Variants in USP31 observed in about 807,000 individuals in gnomAD.
USP31 encodes the protein ubiquitin specific peptidase 31, also known as ubiquitin carboxyl-terminal hydrolase 31.
A neutral mutation model predicts 119.4 loss-of-function variants in USP31; 44 were observed. The ratio of observed to expected loss-of-function variants is 0.37; its 90% CI spans 0.29 to 0.47. The LOEUF is 0.47. Ranked by LOEUF, USP31 falls within the 20% of genes least tolerant of loss-of-function variation. The pLI, the probability that USP31 is intolerant of heterozygous loss-of-function variation, is 0.99. For missense variants in USP31, 1,643 were observed against 1,730.2 expected (o/e 0.95, Z 0.89); for synonymous variants, 749 against 705.6 (o/e 1.06, Z -0.97).
chr16:23,082,301 AGT>A, intron 12 of USP31, 135 bp downstream of exon 12: 1 of 1,157,668 alleles, frequency 8.6e-7, no homozygotes, highest in Non-Finnish European at 1.2e-6. Flanking sequence ...CAGGGGCAAA[AGT>A]GTGTCTATAA....
At chr16:23,120,660 C>A (rs1473359242) in intron 1 of USP31, among the ~76,000 whole-genome samples, 1 of 152,200 alleles carries the variant, frequency 6.6e-6, no homozygotes, top group Non-Finnish European at 1.5e-5. Flanking sequence ...AAAAGAATGG[C>A]AGTGGCAGCT....
In USP31 at chr16:23,096,292, T is replaced by C. The variant is rs901150253; in HGVS notation, c.1235-5488A>G. ...AGGGATCAAATTCAATAAGAAGAGC[T>C]AACTATCCTACATATATATGCACCC... On this transcript the variant is annotated intron_variant, in intron 6 of 15. Coordinates refer to ENST00000219689, the MANE Select transcript of USP31 (RefSeq NM_020718.4). 3.9e-5 allele frequency among the ~76,000 whole-genome samples: 6 copies of C among 152,190 alleles called. No homozygotes were observed. In the East Asian group the frequency reaches 1.2e-3, roughly 29 times the overall value.
Position 23,072,752 on chromosome 16 carries a change from T to C in USP31, c.2336-555A>G, listed in dbSNP as rs879250998. Among the ~76,000 whole-genome samples, 3 of 152,058 alleles carry C rather than the reference T, an allele frequency of 2.0e-5. No individual in the cohort carries two copies. In the East Asian group the frequency reaches 5.8e-4, roughly 29 times the overall value. On this transcript the variant is annotated intron_variant, in intron 14 of 15. Transcript: ENST00000219689. ...TAAATATTTATTAGGGCAAGAGAAA[T>C]TGCTCTTGAAACAGAGTACATGAAG...
At chr16:23,078,310 CA>C (rs34288248) in intron 13 of USP31, among the ~76,000 whole-genome samples, 1,350 of 71,134 alleles carry the variant, frequency 0.019, 7 homozygotes, top group African/African-American at 0.055. Context: ...GACTCCGTCG[CA>C]AAAAAAAAAA....
chr16:23,087,929 A>G, intron 7 of USP31, 94 bp from the exon 8 acceptor site: 2 of 1,106,564 alleles, frequency 1.8e-6, no homozygotes, highest in Non-Finnish European at 2.6e-6. Flanking sequence ...CGGAATCACA[A>G]TATAATTGGC....
chr16:23,145,279 T>C (rs1260976588), intron 1 of USP31, among the ~76,000 whole-genome samples: 2 of 152,202 alleles, frequency 1.3e-5, no homozygotes, highest in East Asian at 1.9e-4. Context: ...TGCAGAATCT[T>C]GGGCACCGCT....
At chr16:23,082,394 C>T in intron 12 of USP31, 44 bp downstream of exon 12, 3 of 1,608,842 alleles carry the variant, frequency 1.9e-6, no homozygotes, top group South Asian at 2.2e-5. Flanking sequence ...GCATAAGAAA[C>T]TTGTCACAAC....
At chr16:23,093,181 T>G (rs1901445836) in intron 6 of USP31, among the ~76,000 whole-genome samples, 1 of 151,972 alleles carries the variant, frequency 6.6e-6, no homozygotes, top group Non-Finnish European at 1.5e-5. Flanking sequence ...AAAACAGACT[T>G]CATCAAAATG....
intron 1 of USP31, among the ~76,000 whole-genome samples, chr16:23,123,998 CA>C (rs1383283115): frequency 6.0e-4 from 79 of 132,740 alleles, no homozygotes; most frequent in Admixed American, 7.6e-4. Flanking sequence ...GATTCTATCT[CA>C]AAAAAAAAAA....
intron 6 of USP31, among the ~76,000 whole-genome samples, chr16:23,098,031 T>C (rs1002860876): frequency 6.6e-5 from 10 of 152,198 alleles, no homozygotes; most frequent in African/African-American, 2.2e-4. Context: ...GGAAGTCAAA[T>C]TGTCCCTGTT....
In USP31 at chr16:23,085,672, C is replaced by G. The variant is rs1901078163; in HGVS notation, c.1623-10G>C. On this transcript the variant is annotated splice_polypyrimidine_tract_variant and intron_variant, in intron 9 of 15. Coordinates refer to ENST00000219689, the MANE Select transcript of USP31 (RefSeq NM_020718.4). Reference sequence around the variant, plus strand: ...ACAAGATTTTAATGCCCTATAGAACCAGGGAAGTGGAGAGGGAAGCCACAT... The same window carrying G: ...ACAAGATTTTAATGCCCTATAGAACGAGGGAAGTGGAGAGGGAAGCCACAT... 1.9e-6 allele frequency: 3 copies of G among 1,609,382 alleles called. No homozygotes were observed. Among genetic ancestry groups the G allele is most frequent in the African/African-American group, 1.3e-5 (1 of 74,762 alleles).
chr16:23,078,846 C>T (rs967037534), intron 13 of USP31: 2 of 152,174 alleles, frequency 1.3e-5, no homozygotes, highest in African/African-American at 4.8e-5. Context: ...ATACTACATA[C>T]CAAAATATTA....
chr16:23,143,663 G>A (rs1335915800), intron 1 of USP31, among the ~76,000 whole-genome samples: 1 of 152,236 alleles, frequency 6.6e-6, no homozygotes, highest in East Asian at 1.9e-4. Flanking sequence ...GAAGTAAAAG[G>A]AAACTTGCGC....
At chr16:23,100,614 A>T (rs1188410256) in intron 6 of USP31, among the ~76,000 whole-genome samples, 1 of 152,152 alleles carries the variant, frequency 6.6e-6, no homozygotes, top group Non-Finnish European at 1.5e-5. Flanking sequence ...CTCTACTAAA[A>T]ATATAAAAAT....
chr16:23,072,022 T>A lies in USP31; in HGVS notation c.2488+23A>T, dbSNP rs372858755. 6.9e-6 allele frequency: 11 copies of A among 1,597,728 alleles called. No homozygotes were observed. The South Asian group carries it at 1.2e-4, about 18-fold the overall frequency. ...GTCTGTGAGTTACCATTCTGGAAAT[T>A]TGTCACCAAAACCCACACCCACCAT... On this transcript the variant is annotated intron_variant, in intron 15 of 15. Coordinates refer to ENST00000219689, the MANE Select transcript of USP31 (RefSeq NM_020718.4).
intron 13 of USP31, 121 bp from the exon 14 acceptor site, chr16:23,074,001 G>T: frequency 7.6e-7 from 1 of 1,323,912 alleles, no homozygotes; most frequent in Non-Finnish European, 1.1e-6. Flanking sequence ...GCTGCGTATA[G>T]CAACACAGAA....
chr16:23,100,013 G>C (rs906579041), intron 6 of USP31, among the ~76,000 whole-genome samples: 3 of 152,124 alleles, frequency 2.0e-5, no homozygotes, highest in African/African-American at 7.2e-5. Context: ...TAAAATTAAA[G>C]AGTCAGATAA....
intron 1 of USP31, among the ~76,000 whole-genome samples, chr16:23,133,233 C>A (rs1047034307): frequency 1.3e-5 from 2 of 152,186 alleles, no homozygotes; most frequent in African/African-American, 4.8e-5. Flanking sequence ...AGAGTAATCA[C>A]AGTCCTCAAG....
At chr16:23,136,272 T>C (rs1267425046) in intron 1 of USP31, among the ~76,000 whole-genome samples, 1 of 152,212 alleles carries the variant, frequency 6.6e-6, no homozygotes, top group Admixed American at 6.5e-5. Flanking sequence ...ATAGAGGCTT[T>C]ATGACACTGG....
Sources: allele counts gnomAD v4.1 joint callset (sites outside exome capture counted in the v4.1 genomes callset), GRCh38; gene constraint gnomAD v4.1.1; transcripts MANE v1.5; gene names NCBI Gene and HGNC (gene_info 2026-07-23, HGNC 2026-07-21).